Variants in ABHD2 observed in about 807,000 individuals in gnomAD.
The protein encoded by ABHD2 is abhydrolase domain containing 2, acylglycerol lipase.
In ABHD2, 20 loss-of-function variants were observed where a neutral mutation model predicts 48.1. The ratio of observed to expected loss-of-function variants is 0.42; its 90% CI spans 0.29 to 0.60. The LOEUF is 0.60. Ranked by LOEUF, ABHD2 falls within the 20% of genes least tolerant of loss-of-function variation. The pLI, the probability that ABHD2 is intolerant of heterozygous loss-of-function variation, is 0.24. For missense variants in ABHD2, 405 were observed against 550.9 expected, an observed-to-expected ratio of 0.74 and a Z score of 2.65; for synonymous variants, 209 against 214.2, an observed-to-expected ratio of 0.98 and a Z score of 0.21.
rs960999554 is a variant in ABHD2, at chr15:89,100,898, A to G, written c.-107+12335A>G. On this transcript the variant is annotated intron_variant, in intron 1 of 10. Transcript: ENST00000352732. This position sits in a 1 kb window ranked among gnomAD's most constrained non-coding sequence, Gnocchi z 4.4. ...AAAAGGAACCTTATTTTATAATTTCACCAGCCTTTTAATCTAGGTTAAACT... is the reference window on the plus strand; with the variant it reads ...AAAAGGAACCTTATTTTATAATTTCGCCAGCCTTTTAATCTAGGTTAAACT... Among the ~76,000 whole-genome samples, 2 of 152,202 alleles carry G rather than the reference A, an allele frequency of 1.3e-5. No homozygotes were observed. The highest frequency in any genetic ancestry group is 2.9e-5 in the Non-Finnish European group (2 of 68,042).
rs2049724876 is a variant in ABHD2, at chr15:89,102,973, A to G, written c.-106-10752A>G. ...CAGGAGGAGTGAGCCTTGGAACAATAGTGGAGTGTTTGTGGTGGACGGACG... is the reference window on the plus strand; with the variant it reads ...CAGGAGGAGTGAGCCTTGGAACAATGGTGGAGTGTTTGTGGTGGACGGACG... On this transcript the variant is annotated intron_variant, in intron 1 of 10. Coordinates refer to ENST00000352732, the MANE Select transcript of ABHD2 (RefSeq NM_152924.5). This position sits in a 1 kb window ranked among gnomAD's most constrained non-coding sequence, Gnocchi z 4.8. Among the ~76,000 whole-genome samples, 1 of 152,204 alleles carries G rather than the reference A, an allele frequency of 6.6e-6. No homozygotes were observed. Among genetic ancestry groups the G allele is most frequent in the South Asian group, 2.1e-4 (1 of 4,832 alleles).
intron 5 of ABHD2, among the ~76,000 whole-genome samples, chr15:89,163,580 A>G (rs1437540311): frequency 1.3e-5 from 2 of 152,238 alleles, no homozygotes; most frequent in Admixed American, 6.5e-5. Flanking sequence ...CCAGCCTTCA[A>G]TCAATGTGAT....
intron 3 of ABHD2, among the ~76,000 whole-genome samples, chr15:89,135,095 A>G (rs1043941012): frequency 3.5e-5 from 5 of 144,680 alleles, no homozygotes; most frequent in Admixed American, 3.4e-4. Context: ...AAAAAATTGT[A>G]TTTGCTTAGA....
At chr15:89,084,910 C>T (rs531414858), upstream of ABHD2, among the ~76,000 whole-genome samples, 1 of 152,292 alleles carries the variant, frequency 6.6e-6, no homozygotes, top group Non-Finnish European at 1.5e-5. The surrounding 1 kb of genome is among the most constrained non-coding windows in gnomAD (Gnocchi z 4.4). Context: ...CGCCCAAGGT[C>T]ACAAGGCTAG....
chr15:89,121,700 A>G (rs770985875), intron 3 of ABHD2, among the ~76,000 whole-genome samples: 23 of 152,132 alleles, frequency 1.5e-4, no homozygotes, highest in Admixed American at 2.0e-4. Flanking sequence ...GTCCAGCCTC[A>G]TTACTCACAG....
intron 3 of ABHD2, among the ~76,000 whole-genome samples, chr15:89,142,736 C>G (rs1429136249): frequency 6.6e-6 from 1 of 152,148 alleles, no homozygotes; most frequent in African/African-American, 2.4e-5. Flanking sequence ...TTCTTCTCCA[C>G]CCAGTTCCTT....
chr15:89,079,952 C>T, the ABHD2 span, among the ~76,000 whole-genome samples: 1 of 152,212 alleles, frequency 6.6e-6, no homozygotes, highest in South Asian at 2.1e-4. The surrounding 1 kb of genome is among the most constrained non-coding windows in gnomAD (Gnocchi z 4.3). Flanking sequence ...CTACTTTGGA[C>T]AAGACTGGCT....
intron 3 of ABHD2, among the ~76,000 whole-genome samples, chr15:89,125,922 T>G (rs746556688): frequency 4.6e-5 from 7 of 152,192 alleles, no homozygotes; most frequent in Non-Finnish European, 1.0e-4. Context: ...TTATAGGAAT[T>G]GCCGAAGCCT....
At chr15:89,118,186 TC>T (rs1210973679) in intron 3 of ABHD2, among the ~76,000 whole-genome samples, 1 of 152,080 alleles carries the variant, frequency 6.6e-6, no homozygotes, top group Non-Finnish European at 1.5e-5. Flanking sequence ...TTTCTTTTTT[TC>T]TTTCTTTTTT....
At chr15:89,083,202 C>T (rs142129711), upstream of ABHD2, among the ~76,000 whole-genome samples, 61 of 152,156 alleles carry the variant, frequency 4.0e-4, no homozygotes, top group Non-Finnish European at 6.9e-4. This position sits in a 1 kb window ranked among gnomAD's most constrained non-coding sequence, Gnocchi z 5.1. Flanking sequence ...TATTTTTTTA[C>T]ACTGCATCTC....
chr15:89,046,455 T>C, the ABHD2 span, among the ~76,000 whole-genome samples: 1 of 151,918 alleles, frequency 6.6e-6, no homozygotes, highest in Non-Finnish European at 1.5e-5. Flanking sequence ...TTGATTGGAA[T>C]AGTTTCAGAA....
At position 89,168,976 on chromosome 15, in the gene ABHD2, C is replaced by T. The variant is rs2050878137; in HGVS notation, c.539-6836C>T. Among the ~76,000 whole-genome samples the T allele has an allele frequency of 6.6e-6, 1 of 152,096 alleles. No individual in the cohort carries two copies. ...GTTTGGTGGCATGTGCCTATAGTCC[C>T]AGCTACTCAAGAGGCTAAGGTGGAA... is the stretch of plus-strand genomic sequence containing the variant. On this transcript the variant is annotated intron_variant, in intron 5 of 10. Coordinates refer to ENST00000352732, the MANE Select transcript of ABHD2 (RefSeq NM_152924.5). This position sits in a 1 kb window ranked among gnomAD's most constrained non-coding sequence, Gnocchi z 4.8.
chr15:89,124,812 G>T (rs2050106348), intron 3 of ABHD2, among the ~76,000 whole-genome samples: 1 of 152,098 alleles, frequency 6.6e-6, no homozygotes, highest in Non-Finnish European at 1.5e-5. Context: ...ATTAGGGCTG[G>T]GCGCGGTGGC....
chr15:89,127,640 G>A (rs1168902311), intron 3 of ABHD2, among the ~76,000 whole-genome samples: 2 of 149,660 alleles, frequency 1.3e-5, no homozygotes, highest in South Asian at 2.1e-4. Context: ...AGCCACAGCA[G>A]TATGGACTTT....
At chr15:89,140,725 G>T (rs2050389366) in intron 3 of ABHD2, among the ~76,000 whole-genome samples, 2 of 152,150 alleles carry the variant, frequency 1.3e-5, no homozygotes, top group Non-Finnish European at 2.9e-5. Flanking sequence ...CAGGGCCTGT[G>T]TGTCTCTCCT....
chr15:89,050,413 T>C, the ABHD2 span, among the ~76,000 whole-genome samples: 1 of 152,118 alleles, frequency 6.6e-6, no homozygotes, highest in Non-Finnish European at 1.5e-5. Flanking sequence ...AGAACAACCA[T>C]GGGGCTATGG....
chr15:89,060,784 A>T, the ABHD2 span, among the ~76,000 whole-genome samples: 1 of 152,296 alleles, frequency 6.6e-6, no homozygotes, highest in African/African-American at 2.4e-5. Context: ...CACTACCCAG[A>T]AGCAAACTAT....
chr15:89,125,038 G>A (rs1488752405), intron 3 of ABHD2, among the ~76,000 whole-genome samples: 7 of 151,850 alleles, frequency 4.6e-5, no homozygotes, highest in Admixed American at 4.6e-4. Flanking sequence ...GCAGTGAGCT[G>A]AGATCGTGCC....
chr15:89,117,395 G>A (rs1280372453), intron 3 of ABHD2, among the ~76,000 whole-genome samples: 1 of 152,222 alleles, frequency 6.6e-6, no homozygotes, highest in Non-Finnish European at 1.5e-5. Context: ...GTTGTAAAAT[G>A]AAGGGAATCT....
Sources: gnomAD v4.1 joint callset for allele counts (sites outside exome capture counted in the v4.1 genomes callset) on GRCh38, gnomAD v4.1.1 for gene constraint, Gnocchi (gnomAD v3.1) non-coding constraint, MANE v1.5 for transcripts, NCBI Gene and HGNC (gene_info 2026-07-23, HGNC 2026-07-21) for gene names.